Variants in PPIE observed in about 807,000 individuals in gnomAD.
PPIE encodes peptidylprolyl isomerase E.
In PPIE, 20 loss-of-function variants were observed where a neutral mutation model predicts 38.4. That is an observed-to-expected ratio of 0.52 (90% confidence interval 0.37 to 0.76). The LOEUF (loss-of-function observed/expected upper bound fraction) is 0.76, where lower values mean the gene tolerates loss of function less well. Ranked by LOEUF, PPIE falls within the 30% of genes least tolerant of loss-of-function variation. The pLI, the probability that PPIE is intolerant of heterozygous loss-of-function variation, is 0.00. For missense variants in PPIE, 322 were observed against 385.8 expected, an observed-to-expected ratio of 0.83 and a Z score of 1.39; for synonymous variants, 142 against 135.7, an observed-to-expected ratio of 1.05 and a Z score of -0.32.
intron 3 of PPIE, 58 bp downstream of exon 3, chr1:39,741,467 A>C: frequency 1.3e-6 from 2 of 1,579,034 alleles, no homozygotes; most frequent in Middle Eastern, 1.7e-4. Flanking sequence ...TACTGATTAC[A>C]AAGGAAGCTT....
At chr1:39,760,953 T>A (rs1211418483), downstream of PPIE, among the ~76,000 whole-genome samples, 1 of 152,092 alleles carries the variant, frequency 6.6e-6, no homozygotes, top group Non-Finnish European at 1.5e-5. Flanking sequence ...TTTCTTCTTT[T>A]GGCCCTTCGG....
Position 39,755,055 on chromosome 1 carries a change from C to T in PPIE, c.*1700C>T. 1.0e-6 allele frequency: 1 copy of T among 985,466 alleles called. No individual in the cohort carries two copies. The allele number at this position is 985,466 out of a possible 1,614,324, so 61.0% of individuals were successfully genotyped here. A position where few individuals can be genotyped will look rare whatever the true frequency, so the allele number is the denominator to read the frequency against. Reference sequence around the variant, plus strand: ...ATGGTCCCACCCCCTGCTGAGCTCACAGTCTGGCTCTCCTGTGTGCAGCCA... The same window carrying T: ...ATGGTCCCACCCCCTGCTGAGCTCATAGTCTGGCTCTCCTGTGTGCAGCCA... On this transcript the variant is annotated 3_prime_UTR_variant, in exon 10 of 10. Coordinates refer to ENST00000324379, the MANE Select transcript of PPIE (RefSeq NM_006112.4).
chr1:39,753,692 A>T lies in PPIE; in HGVS notation c.*337A>T. 9.1e-7 allele frequency: 1 copy of T among 1,102,866 alleles called. No homozygotes were observed. The highest frequency in any genetic ancestry group is 1.1e-6 in the Non-Finnish European group (1 of 904,560). 68.3% of individuals were successfully genotyped at this position (1,102,866 alleles called of 1,614,324 possible). A position where few individuals can be genotyped will look rare whatever the true frequency, so the allele number is the denominator to read the frequency against. ...TGTTTTCTTTGCTAAAATAAACCCT[A>T]GTTCTTATATTGCTCTTCCTGCTAG... On this transcript the variant is annotated 3_prime_UTR_variant, in exon 10 of 10. Transcript: ENST00000324379.
intron 9 of PPIE, 92 bp from the exon 10 acceptor site, chr1:39,753,195 G>A: frequency 1.3e-6 from 2 of 1,589,412 alleles, no homozygotes; most frequent in South Asian, 1.1e-5. Context: ...AGGTTCCGGG[G>A]TGGAAGTGGG....
chr1:39,751,560 A>T (rs950976129), intron 8 of PPIE, among the ~76,000 whole-genome samples: 2 of 152,066 alleles, frequency 1.3e-5, no homozygotes, highest in African/African-American at 4.8e-5. Flanking sequence ...GGGTTTCATT[A>T]TATTGCTCAG....
rs1648067558 is a variant in PPIE, at chr1:39,754,501, G to A, written c.*1146G>A. ...TTTCTCTTAAGAATTTCAACTGATT[G>A]GATGAGGCCTACCCACATTATGGAG... On this transcript the variant is annotated 3_prime_UTR_variant, in exon 10 of 10. Transcript: ENST00000324379. 6.6e-6 allele frequency among the ~76,000 whole-genome samples: 1 copy of A among 152,140 alleles called. No homozygotes were observed. Among genetic ancestry groups the A allele is most frequent in the Admixed American group, 6.5e-5 (1 of 15,276 alleles).
chr1:39,760,350 G>A (rs1368587153), downstream of PPIE: 16 of 1,597,770 alleles, frequency 1.0e-5, no homozygotes, highest in Non-Finnish European at 1.4e-5. Flanking sequence ...CTGGGTTTGA[G>A]GGTTTCCTGC....
chr1:39,739,932 T>C (rs1374040688), intron 1 of PPIE, among the ~76,000 whole-genome samples: 1 of 151,902 alleles, frequency 6.6e-6, no homozygotes, highest in African/African-American at 2.4e-5. Context: ...GGCAGGGAGG[T>C]CAGTTGTGAA....
intron 4 of PPIE, 187 bp from the exon 5 acceptor site, chr1:39,743,029 A>G (rs1557443785): frequency 1.8e-6 from 1 of 549,054 alleles, no homozygotes; most frequent in Non-Finnish European, 3.3e-6. Context: ...GTGTGCTGCT[A>G]TGAAAGAAAG....
intron 9 of PPIE, chr1:39,763,175 A>T (rs780190321): frequency 6.2e-7 from 1 of 1,613,808 alleles, no homozygotes; most frequent in Non-Finnish European, 8.5e-7. Flanking sequence ...TAATAGGCCG[A>T]GTAGCCTTGG....
chr1:39,752,618 C>T (rs907954110), intron 8 of PPIE, among the ~76,000 whole-genome samples: 3 of 152,214 alleles, frequency 2.0e-5, no homozygotes, highest in Non-Finnish European at 4.4e-5. Context: ...GGACTATGTT[C>T]TGCTCATCAG....
chr1:39,754,027 A>G lies in PPIE; in HGVS notation c.*672A>G. On this transcript the variant is annotated 3_prime_UTR_variant, in exon 10 of 10. Transcript: ENST00000324379. Reference sequence around the variant, plus strand: ...TTCACCCTACAGATTTTAAAAAATGAAATTTTTATAACTCAAAGTGCCTTC... The same window carrying G: ...TTCACCCTACAGATTTTAAAAAATGGAATTTTTATAACTCAAAGTGCCTTC... 3 of 985,416 alleles carry G rather than the reference A, an allele frequency of 3.0e-6. No homozygotes were observed. Among genetic ancestry groups the G allele is most frequent in the Non-Finnish European group, 3.6e-6 (3 of 829,904 alleles). 61.0% of individuals were successfully genotyped at this position (985,416 alleles called of 1,614,324 possible).
intron 8 of PPIE, among the ~76,000 whole-genome samples, chr1:39,752,375 C>G (rs974657879): frequency 6.6e-6 from 1 of 152,236 alleles, no homozygotes; most frequent in African/African-American, 2.4e-5. Context: ...CTTCCTCCTC[C>G]TCTTCCCTGT....
At chr1:39,751,051 G>T (rs976329574) in intron 8 of PPIE, among the ~76,000 whole-genome samples, 6 of 152,216 alleles carry the variant, frequency 3.9e-5, no homozygotes, top group Non-Finnish European at 7.3e-5. Flanking sequence ...TTATTCAGGC[G>T]TCTGCCCCTG....
Position 39,743,899 on chromosome 1 carries a change from A to G in PPIE, c.359A>G (p.Glu120Gly). The G allele has an allele frequency of 6.2e-7, 1 of 1,613,348 alleles. No homozygotes were observed. The highest frequency in any genetic ancestry group is 8.5e-7 in the Non-Finnish European group (1 of 1,179,678). Residue 120 changes from glutamate (E) to glycine (G), a missense_variant, in exon 6 of 10, where the codon GAG becomes GGG. By Grantham distance (98) the Glu-to-Gly change is moderately conservative. Coordinates refer to ENST00000324379, the MANE Select transcript of PPIE (RefSeq NM_006112.4). ...LEENKEEEGS[E>G]PPKAETQEGE... is the part of the protein sequence containing the mutation. ...GAGAATAAAGAGGAAGAAGGGTCAG[A>G]GCCTCCCAAAGCAGAGACCCAGGAG...
At position 39,752,931 on chromosome 1, in the gene PPIE, C is replaced by G. The variant is rs1440973128; in HGVS notation, c.716C>G (p.Ser239Cys). ...TCAGGTCTACTATCCATGGCCAACT[C>G]TGGCCCAAACACCAATGGCTCTCAG... ...TGPGLLSMAN[S>C]GPNTNGSQFF... Residue 239 changes from serine to cysteine, a missense_variant, in exon 9 of 10, where the codon TCT (serine) becomes TGT (cysteine). Physicochemically the swap from Ser to Cys is moderately radical, Grantham distance 112 (BLOSUM62 -1). Coordinates refer to ENST00000324379, the MANE Select transcript of PPIE (RefSeq NM_006112.4). The G allele has an allele frequency of 1.2e-6, 2 of 1,613,936 alleles. No homozygotes were observed. The highest frequency in any genetic ancestry group is 1.7e-6 in the Non-Finnish European group (2 of 1,179,976).
Position 39,763,688 on chromosome 1 carries a change from G to C in PPIE, c.838-1G>C. 1 of 1,582,334 alleles carries C rather than the reference G, an allele frequency of 6.3e-7. No individual in the cohort carries two copies. The highest frequency in any genetic ancestry group is 2.3e-5 in the East Asian group (1 of 44,382). ...TCTACAGGTGGTGATTGTCATTTCA[G>C]AAACAAGAAGAGTCAGCAATTACCA... On this transcript the variant is annotated splice_acceptor_variant, in intron 9 of 9. Transcript: ENST00000356511. LOFTEE classifies it high-confidence loss of function.
chr1:39,745,050 T>C (rs1647158431), intron 6 of PPIE, among the ~76,000 whole-genome samples: 1 of 152,116 alleles, frequency 6.6e-6, no homozygotes, highest in Non-Finnish European at 1.5e-5. Flanking sequence ...GAGTTGTGGA[T>C]CATGGACCAG....
At chr1:39,762,797 C>T (rs932636618) in intron 9 of PPIE, 16 of 1,255,724 alleles carry the variant, frequency 1.3e-5, no homozygotes, top group Non-Finnish European at 1.6e-5. Flanking sequence ...TGCCTCTGAG[C>T]GCTGCACACA....
Sources: allele counts gnomAD v4.1 joint callset (sites outside exome capture counted in the v4.1 genomes callset), GRCh38; gene constraint gnomAD v4.1.1; transcripts MANE v1.5; gene names NCBI Gene and HGNC (gene_info 2026-07-23, HGNC 2026-07-21).